ABTB2: variants seen among roughly 807,000 people sequenced by gnomAD.
ABTB2 encodes the protein ankyrin repeat and BTB domain containing 2, also known as ankyrin repeat and BTB/POZ domain-containing protein 2.
ABTB2 carries 56 observed loss-of-function variants against 104.1 expected under a neutral mutation model. The observed-to-expected ratio is 0.54, with a 90% CI of 0.43 to 0.67. The LOEUF (loss-of-function observed/expected upper bound fraction) is 0.67, where lower values mean the gene tolerates loss of function less well. ABTB2 is among the 30% of genes least tolerant of loss of function. The pLI, the probability that ABTB2 is intolerant of heterozygous loss-of-function variation, is 0.00. For missense variants in ABTB2, 1,279 were observed against 1,407.7 expected, an observed-to-expected ratio of 0.91 and a Z score of 1.46; for synonymous variants, 606 against 608.2, an observed-to-expected ratio of 1.00 and a Z score of 0.05.
chr11:34,152,815 G>GTCA (rs1852564491), intron 16 of ABTB2, among the ~76,000 whole-genome samples: 1 of 152,210 alleles, frequency 6.6e-6, no homozygotes, highest in African/African-American at 2.4e-5. Context: ...TTAAGTGGCA[G>GTCA]TCATCCCTGT....
At chr11:34,260,016 T>C (rs1331116628) in intron 1 of ABTB2, among the ~76,000 whole-genome samples, 1 of 152,110 alleles carries the variant, frequency 6.6e-6, no homozygotes, top group Non-Finnish European at 1.5e-5. Flanking sequence ...GCCATGTTGC[T>C]CAGGCTGGTC....
intron 1 of ABTB2, among the ~76,000 whole-genome samples, chr11:34,349,537 C>T (rs7116915): frequency 0.065 from 9,898 of 152,296 alleles, 402 homozygotes; most frequent in East Asian, 0.18. Flanking sequence ...TGAACACAAT[C>T]AGTGGATCCA....
rs549799233 is a variant in ABTB2, at chr11:34,279,063, G to A, written c.884-74373C>T. 4.6e-5 allele frequency among the ~76,000 whole-genome samples: 7 copies of A among 152,278 alleles called. No homozygotes were observed. The South Asian group carries it at 1.4e-3, about 32-fold the overall frequency. ...GTCTGCACAGGTGTTTCGTTTTCTTGCTAGGGTTCTCAGTCACTGGGGAAA... is the reference window on the plus strand; with the variant it reads ...GTCTGCACAGGTGTTTCGTTTTCTTACTAGGGTTCTCAGTCACTGGGGAAA... On this transcript the variant is annotated intron_variant, in intron 1 of 16. Transcript: ENST00000435224.
chr11:34,317,556 TC>T (rs1243415039), intron 1 of ABTB2, among the ~76,000 whole-genome samples: 3 of 151,972 alleles, frequency 2.0e-5, no homozygotes, highest in Non-Finnish European at 4.4e-5. Context: ...GAGGATCGCT[TC>T]AGTATAGGAG....
At chr11:34,261,097 T>C (rs998670059) in intron 1 of ABTB2, among the ~76,000 whole-genome samples, 1 of 152,046 alleles carries the variant, frequency 6.6e-6, no homozygotes, top group Non-Finnish European at 1.5e-5. Context: ...CACTCCAGCC[T>C]AGGCAACAGA....
intron 6 of ABTB2, among the ~76,000 whole-genome samples, 198 bp downstream of exon 6, chr11:34,167,705 A>C (rs568375440): frequency 1.3e-5 from 2 of 152,216 alleles, no homozygotes; most frequent in South Asian, 2.1e-4. Flanking sequence ...GCCTCAGTCC[A>C]CTCCTTTTCA....
Position 34,356,331 on chromosome 11 carries a change from A to G in ABTB2, c.883+370T>C, listed in dbSNP as rs548350273. Among the ~76,000 whole-genome samples, 2 of 152,316 alleles carry G rather than the reference A, an allele frequency of 1.3e-5. No homozygotes were observed. The highest frequency in any genetic ancestry group is 2.9e-5 in the Non-Finnish European group (2 of 68,028). On this transcript the variant is annotated intron_variant, in intron 1 of 16. Transcript: ENST00000435224. This position sits in a 1 kb window ranked among gnomAD's most constrained non-coding sequence, Gnocchi z 4.6. ...CAGTCAATCTAACCAGCTGTTGGGG[A>G]AAGACAGCAGCTAGAGACCTAGTCA...
At chr11:34,243,588 A>C (rs1371923067) in intron 1 of ABTB2, among the ~76,000 whole-genome samples, 1 of 152,190 alleles carries the variant, frequency 6.6e-6, no homozygotes, top group Non-Finnish European at 1.5e-5. Flanking sequence ...ATCCTAGAAA[A>C]TATGTCCTAG....
chr11:34,326,699 A>G (rs933824030), intron 1 of ABTB2, among the ~76,000 whole-genome samples: 4 of 152,160 alleles, frequency 2.6e-5, no homozygotes, highest in African/African-American at 9.7e-5. Flanking sequence ...AAAACAGAAC[A>G]AACAGAAACA....
intron 1 of ABTB2, among the ~76,000 whole-genome samples, chr11:34,337,043 A>C (rs1415526580): frequency 6.6e-6 from 1 of 152,164 alleles, no homozygotes; most frequent in South Asian, 2.1e-4. Flanking sequence ...GTCCAGCTTC[A>C]TACCCACACC....
At chr11:34,186,196 AG>A (rs1266872202) in intron 3 of ABTB2, among the ~76,000 whole-genome samples, 1 of 152,246 alleles carries the variant, frequency 6.6e-6, no homozygotes, top group Non-Finnish European at 1.5e-5. Flanking sequence ...CCAGTGCCTC[AG>A]GGGGTGCACC....
chr11:34,228,195 G>A (rs71482804), intron 1 of ABTB2, among the ~76,000 whole-genome samples: 2 of 67,010 alleles, frequency 3.0e-5, no homozygotes, highest in Admixed American at 3.3e-4. Flanking sequence ...GAGTATCTGG[G>A]ATTACAGGCA....
intron 1 of ABTB2, among the ~76,000 whole-genome samples, chr11:34,268,966 C>T (rs1170893650): frequency 2.6e-5 from 4 of 152,178 alleles, no homozygotes; most frequent in East Asian, 1.9e-4. Context: ...AGTGACATTC[C>T]GAGGTCCTAG....
intron 1 of ABTB2, among the ~76,000 whole-genome samples, chr11:34,261,846 A>T (rs1384976545): frequency 6.6e-6 from 1 of 152,264 alleles, no homozygotes; most frequent in South Asian, 2.1e-4. Context: ...TTTAAAAAAC[A>T]TCACAGTGCT....
chr11:34,187,405 G>A (rs1853114234), intron 3 of ABTB2, among the ~76,000 whole-genome samples: 1 of 152,076 alleles, frequency 6.6e-6, no homozygotes, highest in Admixed American at 6.5e-5. Context: ...CTTGGGTAGG[G>A]TGTGATAAGG....
chr11:34,177,805 C>A (rs796688299), intron 3 of ABTB2, among the ~76,000 whole-genome samples: 6 of 152,050 alleles, frequency 3.9e-5, no homozygotes, highest in Non-Finnish European at 1.5e-5. Context: ...TAAGCTCAAG[C>A]GATCTGCCAA....
At chr11:34,264,954 C>T (rs538770316) in intron 1 of ABTB2, among the ~76,000 whole-genome samples, 1 of 152,246 alleles carries the variant, frequency 6.6e-6, no homozygotes, top group Non-Finnish European at 1.5e-5. Flanking sequence ...AATGAGGGAT[C>T]TGAATCAGCA....
intron 1 of ABTB2, among the ~76,000 whole-genome samples, chr11:34,295,710 G>T (rs547965392): frequency 1.7e-4 from 26 of 152,294 alleles, no homozygotes; most frequent in African/African-American, 6.3e-4. Context: ...CACTCTGGAG[G>T]CTGAAAGTCT....
At chr11:34,225,942 G>A (rs574057685) in intron 1 of ABTB2, among the ~76,000 whole-genome samples, 80 of 151,986 alleles carry the variant, frequency 5.3e-4, no homozygotes, top group African/African-American at 1.8e-3. Context: ...GGTGGCTCAC[G>A]CCTGTAATCC....
Sources: allele counts gnomAD v4.1 joint callset (sites outside exome capture counted in the v4.1 genomes callset), GRCh38; gene constraint gnomAD v4.1.1; non-coding constraint Gnocchi (gnomAD v3.1); transcripts MANE v1.5; gene names NCBI Gene and HGNC (gene_info 2026-07-23, HGNC 2026-07-21).